Variants in CPB2 observed in about 807,000 individuals in gnomAD.
CPB2 encodes carboxypeptidase B-like protein.
Under a neutral mutation model 57.0 loss-of-function variants are expected in CPB2, and 54 were observed. The ratio of observed to expected loss-of-function variants is 0.95; its 90% CI spans 0.76 to 1.19. The LOEUF (loss-of-function observed/expected upper bound fraction) is 1.19. Among genes scored for constraint, CPB2 ranks in the 50% most tolerant of loss-of-function variants. The pLI, the probability that CPB2 is intolerant of heterozygous loss-of-function variation, is 0.00. For missense variants in CPB2, 426 were observed against 512.0 expected (o/e 0.83, Z 1.62); for synonymous variants, 189 against 178.1 (o/e 1.06, Z -0.49).
At chr13:46,103,935 T>C (rs1034920949) in intron 1 of CPB2, among the ~76,000 whole-genome samples, 6 of 152,142 alleles carry the variant, frequency 3.9e-5, no homozygotes, top group African/African-American at 1.4e-4. Context: ...AAAAATAATA[T>C]CATTTTATGA....
intron 1 of CPB2, among the ~76,000 whole-genome samples, chr13:46,088,913 G>C (rs954915252): frequency 6.8e-6 from 1 of 146,950 alleles, no homozygotes; most frequent in African/African-American, 2.5e-5. Flanking sequence ...CTAATTTCTT[G>C]TCAGTTATAT....
At chr13:46,075,570 C>G (rs1157754421) in intron 5 of CPB2, among the ~76,000 whole-genome samples, 1 of 152,224 alleles carries the variant, frequency 6.6e-6, no homozygotes, top group Non-Finnish European at 1.5e-5. Context: ...TGGATCCAAT[C>G]TGATTGACCA....
chr13:46,102,586 C>A (rs1593925720), intron 1 of CPB2, among the ~76,000 whole-genome samples: 1 of 84,318 alleles, frequency 1.2e-5, no homozygotes, highest in South Asian at 3.7e-4. Flanking sequence ...AAAAGCCAGA[C>A]TGTTAGTTTT....
chr13:46,059,582 TCATCATC>T (rs1420523386), intron 8 of CPB2, among the ~76,000 whole-genome samples: 1 of 6,994 alleles, frequency 1.4e-4, no homozygotes, highest in African/African-American at 8.6e-4. Flanking sequence ...CTGTTTATCA[TCATCATC>T]ATCATCATCA....
Position 46,082,489 on chromosome 13 carries a change from G to A in CPB2, c.336C>T (p.Ser112=). The A allele has an allele frequency of 6.2e-7, 1 of 1,613,700 alleles. No individual in the cohort carries two copies. The part of the protein sequence containing the change: ...IQQQISNDTV[S]PRASASYYEQ... ...CATAGTACGATGCGGAGGCTCGGGG[G>A]CTGACTGTGTCGTTGGAAATCTGCT... is the stretch of plus-strand genomic sequence containing the variant. The change falls in exon 4 of 11, where the codon AGC becomes AGT. Residue 112 remains serine, a synonymous_variant. Coordinates refer to ENST00000181383, the MANE Select transcript of CPB2 (RefSeq NM_001872.5).
intron 8 of CPB2, among the ~76,000 whole-genome samples, chr13:46,062,126 G>A (rs775295775): frequency 6.6e-6 from 1 of 151,314 alleles, no homozygotes; most frequent in Admixed American, 6.6e-5. Context: ...ATGCCCAAGA[G>A]GGGACTGAGA....
chr13:46,067,257 C>A (rs749174662), intron 7 of CPB2, 50 bp downstream of exon 7: 2 of 933,348 alleles, frequency 2.1e-6, no homozygotes, highest in South Asian at 2.7e-5. Context: ...ACCTGTATAT[C>A]CTATATCCCC....
intron 5 of CPB2, among the ~76,000 whole-genome samples, chr13:46,077,730 G>A (rs1254534839): frequency 6.6e-6 from 1 of 152,142 alleles, no homozygotes; most frequent in Non-Finnish European, 1.5e-5. Flanking sequence ...TAAAGAAAAT[G>A]TGGATATGCA....
intron 1 of CPB2, among the ~76,000 whole-genome samples, chr13:46,102,480 T>C (rs2045446197): frequency 8.1e-6 from 1 of 123,090 alleles, no homozygotes; most frequent in African/African-American, 3.1e-5. Flanking sequence ...AAAATGAACC[T>C]ACAAATCAGC....
intron 8 of CPB2, 71 bp downstream of exon 8, chr13:46,064,577 C>G: frequency 8.2e-7 from 1 of 1,219,928 alleles, no homozygotes; most frequent in Non-Finnish European, 1.2e-6. Flanking sequence ...AATTTGAATT[C>G]ATGGGCCTTT....
At chr13:46,072,661 G>T (rs756231790) in intron 6 of CPB2, among the ~76,000 whole-genome samples, 2 of 152,108 alleles carry the variant, frequency 1.3e-5, no homozygotes, top group Non-Finnish European at 2.9e-5. Context: ...TAATAGGAGG[G>T]CAGAGGTGTC....
chr13:46,090,827 G>C (rs1365831483), intron 1 of CPB2, among the ~76,000 whole-genome samples: 1 of 150,042 alleles, frequency 6.7e-6, no homozygotes, highest in Non-Finnish European at 1.5e-5. Flanking sequence ...TGGTTCAAGC[G>C]ATTTTCCTGC....
rs1003518222 is a variant in CPB2 at position 46,098,840 on chromosome 13, C to T, written c.74+6096G>A. 4 of 152,254 alleles carry T rather than the reference C, an allele frequency of 2.6e-5. No individual in the cohort carries two copies. The East Asian group carries it at 7.7e-4, about 29-fold the overall frequency. 9.4% of individuals were successfully genotyped at this position (152,254 alleles called of 1,614,324 possible). A position where few individuals can be genotyped will look rare whatever the true frequency, so the allele number is the denominator to read the frequency against. ...GTTTCTCCTCTGCCCAAGCCTTCTTCCTTCATTCCTCCACAGATGCTGATC... is the reference window on the plus strand; with the variant it reads ...GTTTCTCCTCTGCCCAAGCCTTCTTTCTTCATTCCTCCACAGATGCTGATC... On this transcript the variant is annotated intron_variant, in intron 1 of 10. Coordinates refer to ENST00000181383, the MANE Select transcript of CPB2 (RefSeq NM_001872.5).
intron 3 of CPB2, among the ~76,000 whole-genome samples, chr13:46,083,954 A>G (rs1242222287): frequency 2.0e-5 from 3 of 152,174 alleles, no homozygotes; most frequent in African/African-American, 7.2e-5. Context: ...GTCAGAGAAA[A>G]AGGAACTATG....
chr13:46,058,277 T>G lies in CPB2; in HGVS notation c.901A>C (p.Asn301His). The change falls in exon 9 of 11, where the codon AAC becomes CAC. Residue 301 changes from asparagine to histidine, a missense_variant. Coordinates refer to ENST00000181383, the MANE Select transcript of CPB2 (RefSeq NM_001872.5). ...ATGCTGATGTATGCTTTAATCTGGTTGATATTTCTTCTCAAGAAACTAGCC... is the reference window on the plus strand; with the variant it reads ...ATGCTGATGTATGCTTTAATCTGGTGGATATTTCTTCTCAAGAAACTAGCC... Reference protein sequence around the residue: ...AVASFLRRNINQIKAYISMHS... With the variant: ...AVASFLRRNIHQIKAYISMHS... The G allele has an allele frequency of 6.2e-7, 1 of 1,614,096 alleles. No individual in the cohort carries two copies. The highest frequency in any genetic ancestry group is 8.5e-7 in the Non-Finnish European group (1 of 1,179,940).
chr13:46,066,309 T>G (rs2044853524), intron 7 of CPB2, among the ~76,000 whole-genome samples: 1 of 152,198 alleles, frequency 6.6e-6, no homozygotes, highest in African/African-American at 2.4e-5. Context: ...AATCACAATG[T>G]TGAGTAACCA....
chr13:46,096,386 A>G (rs2045366687), intron 1 of CPB2: 1 of 152,304 alleles, frequency 6.6e-6, no homozygotes, highest in African/African-American at 2.4e-5. Context: ...AGCTAATCCC[A>G]TCTTGGTGTC....
intron 6 of CPB2, among the ~76,000 whole-genome samples, chr13:46,072,504 C>T (rs1265829658): frequency 1.3e-5 from 2 of 152,134 alleles, no homozygotes; most frequent in Non-Finnish European, 2.9e-5. Context: ...GAGCAAAATA[C>T]TCAGCTATAA....
chr13:46,066,599 C>T (rs17844233), intron 7 of CPB2, among the ~76,000 whole-genome samples: 229 of 152,166 alleles, frequency 1.5e-3, no homozygotes, highest in African/African-American at 5.3e-3. Context: ...AATCTCAGCA[C>T]GTTGGGAGGC....
Sources: allele counts gnomAD v4.1 joint callset (sites outside exome capture counted in the v4.1 genomes callset), GRCh38; gene constraint gnomAD v4.1.1; transcripts MANE v1.5; gene names NCBI Gene and HGNC (gene_info 2026-07-23, HGNC 2026-07-21).